The following MPHOSPH8 variants were observed in gnomAD, a reference collection of about 807,000 sequenced individuals.
MPHOSPH8 encodes the protein M-phase phosphoprotein 8, also known as M-phase phosphoprotein, mpp.
MPHOSPH8 carries 45 observed loss-of-function variants against 87.3 expected under a neutral mutation model. That is an observed-to-expected ratio of 0.52 (90% CI 0.41 to 0.66). The LOEUF is 0.66. Ranked by LOEUF, MPHOSPH8 falls within the 30% of genes least tolerant of loss-of-function variation. The pLI, the probability that MPHOSPH8 is intolerant of heterozygous loss-of-function variation, is 0.00. For synonymous variants in MPHOSPH8, 366 were observed against 376.9 expected (o/e 0.97, Z 0.33); for missense variants, 883 against 1,020.2 (o/e 0.87, Z 1.83).
Position 19,642,199 on chromosome 13 carries a change from A to C in MPHOSPH8, c.298A>C (p.Lys100Gln), listed in dbSNP as rs2137503119. ...GCCCGAGATTCACCTGGAGGACTGT[A>C]AAGAAGTGCTTCTTGAATTTAGGAA... ...WEPEIHLEDC[K>Q]EVLLEFRKKI... is the part of the protein sequence containing the mutation. Residue 100 changes from lysine (K) to glutamine (Q), a missense_variant, in exon 2 of 14, where the codon AAA (lysine) becomes CAA (glutamine). Around this residue, in one of 3 missense-constraint regions of MPHOSPH8, gnomAD observed 39 missense variants for 82.4 expected, o/e 0.47. Coordinates refer to ENST00000361479, the MANE Select transcript of MPHOSPH8 (RefSeq NM_017520.4). 1 of 1,612,810 alleles carries C rather than the reference A, an allele frequency of 6.2e-7. No individual in the cohort carries two copies. Among genetic ancestry groups the C allele is most frequent in the Middle Eastern group, 1.7e-4 (1 of 6,050 alleles).
At chr13:19,652,886 C>T (rs1874936888) in intron 5 of MPHOSPH8, among the ~76,000 whole-genome samples, 1 of 152,170 alleles carries the variant, frequency 6.6e-6, no homozygotes, top group South Asian at 2.1e-4. Flanking sequence ...CTAGATTCCT[C>T]CTCTCTGGGC....
rs1287236415 is a variant in MPHOSPH8, at chr13:19,672,706, T to C, written c.*831T>C. The C allele has an allele frequency of 6.3e-6, 1 of 159,860 alleles. No homozygotes were observed. Among genetic ancestry groups the C allele is most frequent in the African/African-American group, 2.4e-5 (1 of 41,568 alleles). The allele number at this position is 159,860 out of a possible 1,614,324, so 9.9% of individuals were successfully genotyped here. On this transcript the variant is annotated 3_prime_UTR_variant, in exon 14 of 14. Transcript: ENST00000361479. ...GGAGATGGCAGTCACTTTGTAAATATGCTGTAGTCACTTATCATCTTTTCA... is the reference window on the plus strand; with the variant it reads ...GGAGATGGCAGTCACTTTGTAAATACGCTGTAGTCACTTATCATCTTTTCA...
chr13:19,644,390 C>T (rs1874463510), intron 2 of MPHOSPH8, among the ~76,000 whole-genome samples: 1 of 152,210 alleles, frequency 6.6e-6, no homozygotes, highest in Non-Finnish European at 1.5e-5. Context: ...CCACATCTCC[C>T]TGTTATTTCC....
intron 5 of MPHOSPH8, among the ~76,000 whole-genome samples, chr13:19,657,082 A>C (rs888371686): frequency 1.5e-4 from 20 of 130,866 alleles, no homozygotes; most frequent in Non-Finnish European, 2.6e-4. Flanking sequence ...AGATAGTGCC[A>C]CTGCACTCCA....
intron 1 of MPHOSPH8, among the ~76,000 whole-genome samples, chr13:19,641,363 C>T (rs1482046465): frequency 1.3e-5 from 2 of 151,214 alleles, no homozygotes; most frequent in East Asian, 3.9e-4. Context: ...CGCTCTTTTG[C>T]CCAGGCAGGA....
intron 10 of MPHOSPH8, among the ~76,000 whole-genome samples, chr13:19,666,889 C>T (rs1400763465): frequency 1.3e-5 from 2 of 152,166 alleles, no homozygotes; most frequent in African/African-American, 4.8e-5. Context: ...TGGCCGGGCG[C>T]AGTGGCTCAC....
At position 19,658,430 on chromosome 13, in the gene MPHOSPH8, G is replaced by A. The variant is rs145965667; in HGVS notation, c.1577-565G>A. 9.4e-3 allele frequency among the ~76,000 whole-genome samples: 1,432 copies of A among 151,742 alleles called. 10 individuals carry two copies. Among genetic ancestry groups the A allele is most frequent in the Middle Eastern group, 0.037 (11 of 294 alleles). ...GAACACATGCGTCCTCAGTGTTCCCGTGCCTGTAGGTCCTGTCGGGGAAGA... is the reference window on the plus strand; with the variant it reads ...GAACACATGCGTCCTCAGTGTTCCCATGCCTGTAGGTCCTGTCGGGGAAGA... On this transcript the variant is annotated intron_variant, in intron 5 of 13. Transcript: ENST00000361479.
At chr13:19,671,185 T>G (rs1179963129) in intron 12 of MPHOSPH8, 21 bp from the exon 13 acceptor site, 2 of 1,609,944 alleles carry the variant, frequency 1.2e-6, no homozygotes, top group South Asian at 1.1e-5. Flanking sequence ...CACTGACTTT[T>G]TTTTTCTCTT....
intron 11 of MPHOSPH8, among the ~76,000 whole-genome samples, chr13:19,669,357 A>G (rs1875992511): frequency 6.7e-6 from 1 of 149,898 alleles, no homozygotes; most frequent in East Asian, 2.0e-4. Context: ...AGTAATTTAT[A>G]GTTTTGATTA....
At chr13:19,643,481 A>C (rs1474400082) in intron 2 of MPHOSPH8, among the ~76,000 whole-genome samples, 1 of 152,116 alleles carries the variant, frequency 6.6e-6, no homozygotes, top group Non-Finnish European at 1.5e-5. Flanking sequence ...CCTGGCCTCA[A>C]GTAATCCTCG....
In MPHOSPH8 at chr13:19,646,799, A is replaced by G. The variant is rs1874587247; in HGVS notation, c.726A>G (p.Thr242=). The G allele has an allele frequency of 6.3e-6, 10 of 1,584,990 alleles. No individual in the cohort carries two copies. The highest frequency in any genetic ancestry group is 4.3e-6 in the Non-Finnish European group (5 of 1,170,156). Residue 242 remains threonine (T), a synonymous_variant, in exon 3 of 14, where the codon ACA becomes ACG. Coordinates refer to ENST00000361479, the MANE Select transcript of MPHOSPH8 (RefSeq NM_017520.4). The part of the protein sequence containing the change: ...KGEIRDLKTK[T]REDPKENRKT... ...AAATAAGAGATTTAAAGACGAAAAC[A>G]AGAGAAGATCCCAAAGAAAATAGAA...
chr13:19,658,936 A>G (rs901410720), intron 5 of MPHOSPH8, 59 bp from the exon 6 acceptor site: 2 of 1,580,332 alleles, frequency 1.3e-6, no homozygotes, highest in Non-Finnish European at 1.7e-6. Context: ...CATAAACAAC[A>G]TTGTGGGTTT....
chr13:19,668,931 C>A (rs1875968633), intron 11 of MPHOSPH8, among the ~76,000 whole-genome samples: 1 of 152,172 alleles, frequency 6.6e-6, no homozygotes, highest in Non-Finnish European at 1.5e-5. Context: ...ACTTTCCTCT[C>A]TAGCCTCTGC....
In MPHOSPH8 at chr13:19,673,193, G is replaced by A. The variant is rs1442481398; in HGVS notation, c.*1318G>A. 2.3e-6 allele frequency: 1 copy of A among 442,064 alleles called. No individual in the cohort carries two copies. Among genetic ancestry groups the A allele is most frequent in the Non-Finnish European group, 4.5e-6 (1 of 223,474 alleles). 27.4% of individuals were successfully genotyped at this position (442,064 alleles called of 1,614,324 possible). ...TAACAGCCAAACCTGGCTGTCAGCT[G>A]TGTGGGAGCCACCACCCTCTCTGGG... On this transcript the variant is annotated 3_prime_UTR_variant, in exon 14 of 14. Transcript: ENST00000361479.
chr13:19,636,230 T>C (rs1873999519), intron 1 of MPHOSPH8, among the ~76,000 whole-genome samples: 1 of 152,224 alleles, frequency 6.6e-6, no homozygotes, highest in Admixed American at 6.5e-5. Context: ...CACCTAGCCA[T>C]TGACAAACTT....
chr13:19,642,226 A>G lies in MPHOSPH8; in HGVS notation c.325A>G (p.Lys109Glu). The change falls in exon 2 of 14, where the codon AAA (lysine) becomes GAA (glutamate). Residue 109 changes from lysine (K) to glutamate (E), a missense_variant. By Grantham distance (56) the Lys-to-Glu change is moderately conservative (BLOSUM62 1). Around this residue, in one of 3 missense-constraint regions of MPHOSPH8, gnomAD observed 39 missense variants for 82.4 expected, o/e 0.47. Coordinates refer to ENST00000361479, the MANE Select transcript of MPHOSPH8 (RefSeq NM_017520.4). ...AGAAGTGCTTCTTGAATTTAGGAAG[A>G]AAATTGCAGAGAACAAAGCCAAAGC... ...CKEVLLEFRK[K>E]IAENKAKAVR... 5 of 1,610,966 alleles carry G rather than the reference A, an allele frequency of 3.1e-6. No homozygotes were observed. The highest frequency in any genetic ancestry group is 4.2e-6 in the Non-Finnish European group (5 of 1,179,100).
chr13:19,634,059 G>T, intron 1 of MPHOSPH8, 98 bp downstream of exon 1: 1 of 1,259,474 alleles, frequency 7.9e-7, no homozygotes, highest in African/African-American at 1.5e-5. Flanking sequence ...CAAAACAGGA[G>T]CGGGGGAGGA....
chr13:19,637,902 C>A (rs2137495291), intron 1 of MPHOSPH8, among the ~76,000 whole-genome samples: 1 of 151,730 alleles, frequency 6.6e-6, no homozygotes, highest in African/African-American at 2.4e-5. Flanking sequence ...GAGATTGAGA[C>A]CATCCTGGCT....
rs1024230815 is a variant in MPHOSPH8, at chr13:19,671,701, CAA to C, written c.2542-132_2542-131del. ...TTGAATTAAAATGGCAATGATCTAA[CAA>C]TGTAAATTGATAAGCAACTTGAAAA... On this transcript the variant is annotated intron_variant, in intron 13 of 13. Coordinates refer to ENST00000361479, the MANE Select transcript of MPHOSPH8 (RefSeq NM_017520.4). 12 of 734,318 alleles carry C rather than the reference CAA, an allele frequency of 1.6e-5. No individual in the cohort carries two copies. In the African/African-American group the frequency reaches 1.9e-4, roughly 12 times the overall value. 45.5% of individuals were successfully genotyped at this position (734,318 alleles called of 1,614,324 possible).
Sources: gnomAD v4.1 joint callset for allele counts (sites outside exome capture counted in the v4.1 genomes callset) on GRCh38, gnomAD v4.1.1 for gene constraint, gnomAD v4.1.1 regional missense constraint, MANE v1.5 for transcripts, NCBI Gene and HGNC (gene_info 2026-07-23, HGNC 2026-07-21) for gene names.